UBXN2A: variants seen among roughly 807,000 people sequenced by gnomAD.
UBXN2A encodes the protein UBX domain-containing protein 2A.
A neutral mutation model predicts 28.4 loss-of-function variants in UBXN2A; 28 were observed. The ratio of observed to expected loss-of-function variants is 0.99; its 90% CI spans 0.73 to 1.35. The LOEUF is 1.35. Among genes scored for constraint, UBXN2A ranks in the 40% most tolerant of loss-of-function variants. UBXN2A has a pLI of 0.00. For missense variants in UBXN2A, 253 were observed against 297.9 expected, an observed-to-expected ratio of 0.85 and a Z score of 1.11; for synonymous variants, 97 against 103.6, an observed-to-expected ratio of 0.94 and a Z score of 0.39.
At chr2:23,941,902 G>A (rs889438292) in intron 1 of UBXN2A, among the ~76,000 whole-genome samples, 4 of 152,008 alleles carry the variant, frequency 2.6e-5, no homozygotes, top group African/African-American at 7.2e-5. Context: ...GTGAAACCCC[G>A]TCTCTCTCTA....
intron 1 of UBXN2A, among the ~76,000 whole-genome samples, chr2:23,953,935 G>A (rs980900914): frequency 5.9e-5 from 9 of 152,160 alleles, no homozygotes; most frequent in Admixed American, 5.9e-4. Context: ...GTCTCTGTTT[G>A]TGATGTTAGC....
intron 3 of UBXN2A, among the ~76,000 whole-genome samples, chr2:23,975,826 A>G (rs573902310): frequency 2.8e-4 from 42 of 152,148 alleles, no homozygotes; most frequent in African/African-American, 9.6e-4. Context: ...GGGTTTCTCC[A>G]TGTTGGTCAG....
chr2:23,938,555 CTTTT>C (rs561919115), upstream of UBXN2A, among the ~76,000 whole-genome samples: 1 of 127,568 alleles, frequency 7.8e-6, no homozygotes, highest in African/African-American at 2.9e-5. Flanking sequence ...CCCCCCCTCC[CTTTT>C]TTTTTTTTTT....
chr2:23,940,110 C>CA (rs70941601), upstream of UBXN2A, among the ~76,000 whole-genome samples: 7,957 of 103,904 alleles, frequency 0.077, 912 homozygotes, highest in African/African-American at 0.25. Flanking sequence ...GATTTAGTCT[C>CA]AAAAAAAAAA....
intron 1 of UBXN2A, among the ~76,000 whole-genome samples, chr2:23,957,068 A>C (rs1422221644): frequency 6.6e-6 from 1 of 152,124 alleles, no homozygotes; most frequent in African/African-American, 2.4e-5. Flanking sequence ...TTGTTATGTA[A>C]TTTTAAAATT....
At chr2:23,957,028 TA>T (rs1706660896) in intron 1 of UBXN2A, among the ~76,000 whole-genome samples, 1 of 152,214 alleles carries the variant, frequency 6.6e-6, no homozygotes, top group Admixed American at 6.5e-5. Flanking sequence ...ACCTTTAAAT[TA>T]CTTATAATAC....
intron 2 of UBXN2A, 67 bp from the exon 3 acceptor site, chr2:23,971,209 G>C (rs1707401799): frequency 9.8e-6 from 14 of 1,426,700 alleles, no homozygotes; most frequent in Non-Finnish European, 1.3e-5. Flanking sequence ...TCCTTAACTA[G>C]AACAAAATAA....
chr2:23,938,741 G>C (rs1705613960), upstream of UBXN2A, among the ~76,000 whole-genome samples: 8 of 151,980 alleles, frequency 5.3e-5, no homozygotes, highest in Admixed American at 5.2e-4. Context: ...TATGGTACTA[G>C]CATAAAGATA....
chr2:23,950,049 TG>T (rs1436488196), intron 1 of UBXN2A, among the ~76,000 whole-genome samples: 1 of 132,120 alleles, frequency 7.6e-6, no homozygotes, highest in Non-Finnish European at 1.6e-5. Context: ...CTCTTTGCTT[TG>T]CACTTGCTGC....
chr2:23,952,140 T>C (rs1486963752), intron 1 of UBXN2A, among the ~76,000 whole-genome samples: 1 of 152,034 alleles, frequency 6.6e-6, no homozygotes, highest in Non-Finnish European at 1.5e-5. Flanking sequence ...CTAATTTTTG[T>C]ATTTTTAGTA....
At chr2:23,954,905 T>C (rs1337602340) in intron 1 of UBXN2A, among the ~76,000 whole-genome samples, 2 of 150,464 alleles carry the variant, frequency 1.3e-5, no homozygotes, top group African/African-American at 2.4e-5. Flanking sequence ...AATACAGGAG[T>C]GTGCCACTGT....
chr2:23,960,048 C>A (rs988225438), intron 2 of UBXN2A, among the ~76,000 whole-genome samples: 2 of 151,746 alleles, frequency 1.3e-5, no homozygotes, highest in Non-Finnish European at 2.9e-5. Context: ...GTCAGGAGAT[C>A]GAGACCATCC....
At chr2:23,994,536 A>G (rs917568609) in intron 6 of UBXN2A, among the ~76,000 whole-genome samples, 2 of 151,834 alleles carry the variant, frequency 1.3e-5, no homozygotes, top group African/African-American at 4.8e-5. Context: ...CCTGTCTTCG[A>G]GTTCAGTAAT....
At chr2:23,949,846 G>T (rs972524613) in intron 1 of UBXN2A, among the ~76,000 whole-genome samples, 3 of 150,756 alleles carry the variant, frequency 2.0e-5, no homozygotes, top group Non-Finnish European at 4.4e-5. Context: ...CTGCACTCTA[G>T]CCTGGGCAAC....
At chr2:23,977,237 G>A (rs1707706002) in intron 4 of UBXN2A, 162 bp downstream of exon 4, 1 of 488,194 alleles carries the variant, frequency 2.0e-6, no homozygotes, top group South Asian at 3.1e-5. Context: ...CAGCTACTCA[G>A]GATTGCTTGC....
Position 23,977,973 on chromosome 2 carries a change from G to A in UBXN2A, c.287+898G>A, listed in dbSNP as rs544479252. On this transcript the variant is annotated intron_variant, in intron 4 of 6. Coordinates refer to ENST00000309033, the MANE Select transcript of UBXN2A (RefSeq NM_181713.4). Reference sequence around the variant, plus strand: ...CAGCCTCCCGAGTAGCTGAGATTACGGGTGTGTGCCACCATGCCCATCTAA... The same window carrying A: ...CAGCCTCCCGAGTAGCTGAGATTACAGGTGTGTGCCACCATGCCCATCTAA... Among the ~76,000 whole-genome samples, 209 of 151,976 alleles carry A rather than the reference G, an allele frequency of 1.4e-3. 2 individuals carry two copies. Among genetic ancestry groups the A allele is most frequent in the Non-Finnish European group, 4.4e-4 (30 of 67,982 alleles).
chr2:23,958,208 C>T (rs1041255219), intron 1 of UBXN2A, 93 bp from the exon 2 acceptor site: 20 of 876,764 alleles, frequency 2.3e-5, no homozygotes, highest in African/African-American at 1.6e-4. Context: ...TTTCTTTAGA[C>T]ACTTTTAAGT....
intron 1 of UBXN2A, among the ~76,000 whole-genome samples, chr2:23,945,732 C>G (rs1398527625): frequency 6.6e-6 from 1 of 151,854 alleles, no homozygotes; most frequent in Admixed American, 6.6e-5. Flanking sequence ...TCCTCAAATT[C>G]CTTTTGACCA....
rs1708734075 is a variant in UBXN2A at position 24,002,051 on chromosome 2, TG to T, written c.*2186del. 6.6e-6 allele frequency: 1 copy of T among 151,980 alleles called. No homozygotes were observed. The allele number at this position is 151,980 out of a possible 1,614,324, so 9.4% of individuals were successfully genotyped here. ...TAGCACTTTGGGAGGCCAAGACAGG[TG>T]GATCACTTGAGCCCAGGAGTTTGAG... On this transcript the variant is annotated 3_prime_UTR_variant, in exon 7 of 7. Transcript: ENST00000309033.
Sources: gnomAD v4.1 joint callset for allele counts (sites outside exome capture counted in the v4.1 genomes callset) on GRCh38, gnomAD v4.1.1 for gene constraint, MANE v1.5 for transcripts, NCBI Gene and HGNC (gene_info 2026-07-23, HGNC 2026-07-21) for gene names.